The following TOPAZ1 variants were observed in gnomAD, a reference collection of about 807,000 sequenced individuals.
TOPAZ1 encodes protein TOPAZ1.
In TOPAZ1, 66 loss-of-function variants were observed where a neutral mutation model predicts 172.2. The ratio of observed to expected loss-of-function variants is 0.38; its 90% CI spans 0.31 to 0.47. TOPAZ1 has a LOEUF of 0.47. Among genes scored for constraint, TOPAZ1 ranks in the 20% least tolerant of loss-of-function variants. The pLI, the probability that TOPAZ1 is intolerant of heterozygous loss-of-function variation, is 0.99. For missense variants in TOPAZ1, 1,822 were observed against 1,972.4 expected (o/e 0.92, Z 1.44); for synonymous variants, 681 against 683.9 (o/e 1.00, Z 0.07).
intron 17 of TOPAZ1, among the ~76,000 whole-genome samples, chr3:44,322,666 C>G (rs1243488523): frequency 1.3e-5 from 2 of 152,054 alleles, no homozygotes; most frequent in Non-Finnish European, 2.9e-5. Flanking sequence ...AATTTGAGAT[C>G]AGACGATATG....
At chr3:44,245,663 A>G (rs941452673) in intron 2 of TOPAZ1, among the ~76,000 whole-genome samples, 1 of 151,244 alleles carries the variant, frequency 6.6e-6, no homozygotes, top group Non-Finnish European at 1.5e-5. Flanking sequence ...CAGCCTCCCA[A>G]GTAGCTGGGA....
intron 8 of TOPAZ1, among the ~76,000 whole-genome samples, chr3:44,278,944 T>C (rs2125689865): frequency 6.6e-6 from 1 of 152,244 alleles, no homozygotes; most frequent in South Asian, 2.1e-4. Flanking sequence ...TTGAAATCTT[T>C]CTACTTTTTT....
intron 4 of TOPAZ1, among the ~76,000 whole-genome samples, chr3:44,260,113 C>G (rs1699758977): frequency 6.6e-6 from 1 of 152,174 alleles, no homozygotes; most frequent in African/African-American, 2.4e-5. Flanking sequence ...GGCCTTGCTT[C>G]CCCTTCACCT....
chr3:44,307,054 C>T (rs1186709634), intron 15 of TOPAZ1, among the ~76,000 whole-genome samples: 1 of 152,020 alleles, frequency 6.6e-6, no homozygotes, highest in African/African-American at 2.4e-5. Context: ...TGGAGTTTCG[C>T]TCTTGTTGCC....
chr3:44,243,943 G>A lies in TOPAZ1; in HGVS notation c.1437G>A (p.Lys479=). The stretch of plus-strand genomic sequence containing the variant: ...TAAGAAGTGCATCTGAAGAATTGAA[G>A]TTAAGCTGTCAGAGAACAATACCTA... ...EDLRSASEEL[K]LSCQRTIPMT... is the part of the protein sequence containing the mutation. Residue 479 remains lysine, a synonymous_variant, in exon 2 of 20, where the codon AAG becomes AAA. Transcript: ENST00000309765. The A allele has an allele frequency of 1.3e-6, 2 of 1,552,356 alleles. No individual in the cohort carries two copies. Among genetic ancestry groups the A allele is most frequent in the South Asian group, 1.2e-5 (1 of 84,062 alleles).
intron 12 of TOPAZ1, among the ~76,000 whole-genome samples, chr3:44,294,945 C>T (rs1700177464): frequency 6.6e-6 from 1 of 152,132 alleles, no homozygotes; most frequent in Admixed American, 6.5e-5. Context: ...TAGGAAATTT[C>T]TTAACATTCA....
chr3:44,253,131 AC>A (rs1386733918), intron 2 of TOPAZ1, among the ~76,000 whole-genome samples: 2 of 152,300 alleles, frequency 1.3e-5, no homozygotes, highest in East Asian at 3.9e-4. Context: ...GAGTAAAATG[AC>A]CATAGAATTT....
At chr3:44,270,631 CTA>C in intron 7 of TOPAZ1, 52 bp from the exon 8 acceptor site, 3 of 1,369,716 alleles carry the variant, frequency 2.2e-6, no homozygotes, top group Non-Finnish European at 2.9e-6. Flanking sequence ...TCTTGCTTAA[CTA>C]TAGTAAGTGC....
chr3:44,318,602 C>T (rs1259762997), intron 16 of TOPAZ1, among the ~76,000 whole-genome samples: 2 of 151,794 alleles, frequency 1.3e-5, no homozygotes, highest in African/African-American at 2.4e-5. Context: ...CACCAGGCCC[C>T]AGGGCAGGTC....
intron 16 of TOPAZ1, among the ~76,000 whole-genome samples, chr3:44,318,788 T>A (rs932037711): frequency 7.4e-5 from 11 of 147,890 alleles, no homozygotes; most frequent in Admixed American, 6.8e-4. Context: ...GTATTTTATA[T>A]ATATAATATG....
chr3:44,333,309 C>T (rs535380973), downstream of TOPAZ1, among the ~76,000 whole-genome samples: 2 of 152,066 alleles, frequency 1.3e-5, no homozygotes, highest in South Asian at 2.1e-4. Flanking sequence ...AGGCAGGTGA[C>T]GTCAAGAAGG....
At chr3:44,320,318 T>G (rs4682968) in intron 16 of TOPAZ1, among the ~76,000 whole-genome samples, 1 of 152,154 alleles carries the variant, frequency 6.6e-6, no homozygotes, top group African/African-American at 2.4e-5. Context: ...TATTCGCTGG[T>G]CGGGCGCAGT....
chr3:44,332,016 T>G lies in TOPAZ1; in HGVS notation c.*5T>G. The G allele has an allele frequency of 6.7e-7, 1 of 1,488,494 alleles. No homozygotes were observed. Among genetic ancestry groups the G allele is most frequent in the Non-Finnish European group, 9.0e-7 (1 of 1,114,882 alleles). 92.2% of individuals were successfully genotyped at this position (1,488,494 alleles called of 1,614,324 possible). On this transcript the variant is annotated 3_prime_UTR_variant, in exon 20 of 20. Coordinates refer to ENST00000309765, the MANE Select transcript of TOPAZ1 (RefSeq NM_001145030.2). ...TGGCTTTTCAGTAACCATTAGCTAA[T>G]AAAGTCTGCTTTTTTTTTTTTTTTA...
At chr3:44,276,757 A>G (rs770950871) in intron 8 of TOPAZ1, among the ~76,000 whole-genome samples, 3 of 148,966 alleles carry the variant, frequency 2.0e-5, no homozygotes, top group Non-Finnish European at 4.4e-5. Context: ...AATAGAGATT[A>G]CATTGAATCT....
chr3:44,294,729 C>T (rs1031456936), intron 12 of TOPAZ1, among the ~76,000 whole-genome samples: 47 of 152,154 alleles, frequency 3.1e-4, no homozygotes, highest in African/African-American at 1.1e-3. Flanking sequence ...TGGTCTCGAA[C>T]TCCTGGGCTC....
At chr3:44,245,832 C>T (rs909054996) in intron 2 of TOPAZ1, among the ~76,000 whole-genome samples, 24 of 152,086 alleles carry the variant, frequency 1.6e-4, no homozygotes, top group African/African-American at 5.6e-4. Context: ...AGCCACCGCA[C>T]CCAGCCCATA....
In TOPAZ1 at chr3:44,255,019, C is replaced by T. The variant is rs1282979976; in HGVS notation, c.2817C>T (p.Ser939=). ...CGWIKPDICA[S]NSAESEIKRD... ...GGATAAAGCCAGACATCTGTGCTTC[C>T]AACTCAGCAGGTAAAAGTTGACATT... is the stretch of plus-strand genomic sequence containing the variant. The change falls in exon 3 of 20, where the codon TCC becomes TCT. Residue 939 remains serine, a synonymous_variant. Transcript: ENST00000309765. 1.3e-6 allele frequency: 2 copies of T among 1,551,012 alleles called. No individual in the cohort carries two copies. The highest frequency in any genetic ancestry group is 4.9e-5 in the East Asian group (2 of 40,910).
At chr3:44,330,699 C>T (rs1025941466) in intron 19 of TOPAZ1, among the ~76,000 whole-genome samples, 1 of 152,178 alleles carries the variant, frequency 6.6e-6, no homozygotes, top group African/African-American at 2.4e-5. Flanking sequence ...GCTGCTGGGC[C>T]TGGTAGATAC....
Position 44,242,362 on chromosome 3 carries a change from A to G in TOPAZ1, c.309A>G (p.Ala103=), listed in dbSNP as rs1454567639. 1.3e-6 allele frequency: 2 copies of G among 1,552,376 alleles called. No homozygotes were observed. Among genetic ancestry groups the G allele is most frequent in the Non-Finnish European group, 1.7e-6 (2 of 1,147,140 alleles). ...CAGACCCGCGAGGCCTAGAAGCAGC[A>G]AAGGAGGCTGAACTCCCCTTGCAAA... ...DSSDPRGLEA[A]KEAELPLQTE... Residue 103 remains alanine (A), a synonymous_variant, in exon 1 of 20, where the codon GCA becomes GCG. Transcript: ENST00000309765.
Sources: gnomAD v4.1 joint callset for allele counts (sites outside exome capture counted in the v4.1 genomes callset) on GRCh38, gnomAD v4.1.1 for gene constraint, MANE v1.5 for transcripts, NCBI Gene and HGNC (gene_info 2026-07-23, HGNC 2026-07-21) for gene names.